KARS1: variants seen among roughly 807,000 people sequenced by gnomAD.
The protein encoded by KARS1 is lysyl-tRNA synthetase 1.
KARS1 carries 50 observed loss-of-function variants against 63.9 expected under a neutral mutation model. The observed-to-expected ratio is 0.78, with a 90% CI of 0.62 to 0.99. The LOEUF is 0.99. Ranked by LOEUF, KARS1 falls within the 50% of genes least tolerant of loss-of-function variation. The pLI, the probability that KARS1 is intolerant of heterozygous loss-of-function variation, is 0.00. For missense variants in KARS1, 816 were observed against 754.5 expected, an observed-to-expected ratio of 1.08 and a Z score of -0.95; for synonymous variants, 320 against 264.6, an observed-to-expected ratio of 1.21 and a Z score of -2.03.
chr16:75,636,557 GA>G lies in KARS1; in HGVS notation c.389-11del. 6.5e-7 allele frequency: 1 copy of G among 1,550,364 alleles called. No homozygotes were observed. Among genetic ancestry groups the G allele is most frequent in the Non-Finnish European group, 8.9e-7 (1 of 1,123,150 alleles). ...TTGGCATGGATCCTACCTAGAAAAA[GA>G]AGAGCAAAAATACTGACTGACAGAA... is the stretch of plus-strand genomic sequence containing the variant. On this transcript the variant is annotated splice_polypyrimidine_tract_variant and intron_variant, in intron 3 of 13. Coordinates refer to ENST00000302445, the MANE Select transcript of KARS1 (RefSeq NM_005548.3).
At chr16:75,647,282 GCTTTT>G (rs2082297565) in intron 1 of KARS1, among the ~76,000 whole-genome samples, 1 of 152,204 alleles carries the variant, frequency 6.6e-6, no homozygotes, top group Non-Finnish European at 1.5e-5. Flanking sequence ...AGGAAGTTTC[GCTTTT>G]CTTTTCTGAT....
chr16:75,640,439 C>A, intron 2 of KARS1, 90 bp from the exon 3 acceptor site: 3 of 1,185,824 alleles, frequency 2.5e-6, no homozygotes, highest in Non-Finnish European at 3.7e-6. Flanking sequence ...ATTCTGCCCC[C>A]GAGTGACCCC....
At chr16:75,636,234 T>C (rs190255072) in intron 4 of KARS1, 136 bp from the exon 5 acceptor site, 33 of 710,320 alleles carry the variant, frequency 4.6e-5, no homozygotes, top group Admixed American at 4.0e-4. Flanking sequence ...CAGGGGCCAC[T>C]ATTAAAAAAG....
At chr16:75,629,078 G>C (rs2082082034) in intron 12 of KARS1, 1 of 465,034 alleles carries the variant, frequency 2.2e-6, no homozygotes. Context: ...CAGCCTGTGG[G>C]GGTTCTGTCT....
rs750338644 is a variant in KARS1 at position 75,627,944 on chromosome 16, A to T, written c.1745T>A (p.Val582Glu). ...AMKPEDKKEN[V>E]ATTDTLESTT... Reference sequence around the variant, plus strand: ...GCTTTCCAGTGTATCAGTGGTTGCTACATTCTCCTTCTTGTCTTCGGGTTT... The same window carrying T: ...GCTTTCCAGTGTATCAGTGGTTGCTTCATTCTCCTTCTTGTCTTCGGGTTT... Residue 582 changes from valine (V) to glutamate (E), a missense_variant, in exon 14 of 14, where the codon GTA becomes GAA. Val to Glu is a moderately radical substitution (Grantham distance 121). Transcript: ENST00000302445. The T allele has an allele frequency of 1.9e-6, 3 of 1,612,068 alleles. No individual in the cohort carries two copies. In the Admixed American group the frequency reaches 5.0e-5, roughly 27 times the overall value.
At chr16:75,641,807 G>A in intron 1 of KARS1, 84 bp from the exon 2 acceptor site, 2 of 1,419,122 alleles carry the variant, frequency 1.4e-6, no homozygotes, top group South Asian at 1.1e-5. Flanking sequence ...TCAAAAACAT[G>A]AATCGCCCAG....
At chr16:75,632,023 G>T (rs2082120560) in intron 7 of KARS1, among the ~76,000 whole-genome samples, 168 bp from the exon 8 acceptor site, 1 of 152,160 alleles carries the variant, frequency 6.6e-6, no homozygotes. Context: ...TAGTAGCTGG[G>T]ATTACAGGCA....
Position 75,647,661 on chromosome 16 carries a change from AAAGT to A in KARS1, c.-26_-23del, listed in dbSNP as rs773688712. On this transcript the variant is annotated 5_prime_UTR_variant, in exon 1 of 14. Coordinates refer to ENST00000302445, the MANE Select transcript of KARS1 (RefSeq NM_005548.3). The stretch of plus-strand genomic sequence containing the variant: ...CCATCTTCCCGGAGGGCCCGACCCA[AAAGT>A]AAGGAGGATAGTACGTTAATTTCCA... The A allele has an allele frequency of 1.2e-6, 2 of 1,612,772 alleles. No homozygotes were observed. The highest frequency in any genetic ancestry group is 2.7e-5 in the African/African-American group (2 of 74,894).
Position 75,636,382 on chromosome 16 carries a change from GACC to G in KARS1, c.482+69_482+71del, listed in dbSNP as rs1335316420. On this transcript the variant is annotated intron_variant, in intron 4 of 13. Transcript: ENST00000302445. ...TTACTCTAACTTCAAATACCAGTAA[GACC>G]ACATCAGCCTATTGCTGTGTTGCTC... The G allele has an allele frequency of 1.2e-5, 12 of 988,068 alleles. No individual in the cohort carries two copies. The East Asian group carries it at 2.8e-4, about 23-fold the overall frequency. The allele number at this position is 988,068 out of a possible 1,614,324, so 61.2% of individuals were successfully genotyped here. A position where few individuals can be genotyped will look rare whatever the true frequency, so the allele number is the denominator to read the frequency against.
chr16:75,637,900 C>CAAAAAAAAAAAAAAAAAAAAAAAACA (rs11386229), intron 3 of KARS1, among the ~76,000 whole-genome samples: 1 of 93,776 alleles, frequency 1.1e-5, no homozygotes, highest in African/African-American at 4.1e-5. Flanking sequence ...AAAAAGAGAC[C>CAAAAAAAAAAAAAAAAAAAAAAAACA]AAAAAAAAAA....
intron 3 of KARS1, among the ~76,000 whole-genome samples, chr16:75,637,241 T>C (rs939411383): frequency 6.6e-6 from 1 of 151,766 alleles, no homozygotes; most frequent in Admixed American, 6.6e-5. Flanking sequence ...GGGAAGACGT[T>C]GCCAAGGACC....
rs1309028886 is a variant in KARS1 at position 75,631,397 on chromosome 16, G to A, written c.1252+19C>T. ...GGAAGGAGGGCCTTACAACGGAGGA[G>A]TGAGTGTTGTCACTTTACCTTCAGT... On this transcript the variant is annotated intron_variant, in intron 9 of 13. Transcript: ENST00000302445. The A allele has an allele frequency of 6.2e-7, 1 of 1,613,332 alleles. No individual in the cohort carries two copies. The highest frequency in any genetic ancestry group is 8.5e-7 in the Non-Finnish European group (1 of 1,179,298).
At chr16:75,636,646 T>G in intron 3 of KARS1, 99 bp from the exon 4 acceptor site, 1 of 771,842 alleles carries the variant, frequency 1.3e-6, no homozygotes. Context: ...TTTTTTTGTT[T>G]TTTTTGGGAC....
At chr16:75,637,422 G>C (rs1226457218) in intron 3 of KARS1, among the ~76,000 whole-genome samples, 1 of 152,106 alleles carries the variant, frequency 6.6e-6, no homozygotes, top group Non-Finnish European at 1.5e-5. Context: ...CACTGGGGGA[G>C]AGCAGCTGAA....
At chr16:75,639,464 C>T (rs946583268) in intron 3 of KARS1, among the ~76,000 whole-genome samples, 8 of 144,910 alleles carry the variant, frequency 5.5e-5, no homozygotes, top group African/African-American at 7.7e-5. Flanking sequence ...CCCAGGTACT[C>T]GGGAGGCTGA....
intron 1 of KARS1, chr16:75,644,360 AC>A: frequency 1.2e-6 from 2 of 1,611,778 alleles, no homozygotes; most frequent in Non-Finnish European, 1.7e-6. Flanking sequence ...GTTCCCTGTG[AC>A]CCCACTCTGC....
At chr16:75,646,554 AG>A (rs373609923) in intron 1 of KARS1, among the ~76,000 whole-genome samples, 1 of 151,692 alleles carries the variant, frequency 6.6e-6, no homozygotes, top group Non-Finnish European at 1.5e-5. Flanking sequence ...AAAAAAAAAA[AG>A]AAACATCATT....
At chr16:75,629,581 C>A (rs747955760) in intron 11 of KARS1, 40 bp from the exon 12 acceptor site, 4 of 1,611,196 alleles carry the variant, frequency 2.5e-6, no homozygotes, top group Non-Finnish European at 3.4e-6. Context: ...AATATAGAGG[C>A]CCCTAATGAG....
chr16:75,633,997 T>G (rs2082136725), intron 7 of KARS1, 176 bp downstream of exon 7: 3 of 739,354 alleles, frequency 4.1e-6, no homozygotes. Flanking sequence ...AATGCTCTAT[T>G]AATCTTGTAG....
Sources: allele counts gnomAD v4.1 joint callset (sites outside exome capture counted in the v4.1 genomes callset), GRCh38; gene constraint gnomAD v4.1.1; transcripts MANE v1.5; gene names NCBI Gene and HGNC (gene_info 2026-07-23, HGNC 2026-07-21).